Variants in CCDC73 observed in about 807,000 individuals in gnomAD.
The protein encoded by CCDC73 is coiled-coil domain containing 73.
In CCDC73, 95 loss-of-function variants were observed where a neutral mutation model predicts 116.5. The ratio of observed to expected loss-of-function variants is 0.82; its 90% CI spans 0.69 to 0.97. The LOEUF (loss-of-function observed/expected upper bound fraction) is 0.97, where lower values mean the gene tolerates loss of function less well. Ranked by LOEUF, CCDC73 falls within the 50% of genes least tolerant of loss-of-function variation. The pLI is 0.00. For synonymous variants in CCDC73, 398 were observed against 401.3 expected (o/e 0.99, Z 0.10); for missense variants, 1,066 against 1,206.8 (o/e 0.88, Z 1.73).
At chr11:32,749,015 G>A (rs1590628449) in intron 2 of CCDC73, among the ~76,000 whole-genome samples, 1 of 152,150 alleles carries the variant, frequency 6.6e-6, no homozygotes, top group East Asian at 1.9e-4. Flanking sequence ...AATGCCTCAA[G>A]GTAGTCTTCT....
At chr11:32,764,006 G>C (rs986076581) in intron 1 of CCDC73, among the ~76,000 whole-genome samples, 4 of 152,102 alleles carry the variant, frequency 2.6e-5, no homozygotes, top group Non-Finnish European at 5.9e-5. Flanking sequence ...TGAAACAAAG[G>C]GTATCAGTGA....
At chr11:32,797,349 C>G (rs1341789484), upstream of CCDC73, among the ~76,000 whole-genome samples, 1 of 152,196 alleles carries the variant, frequency 6.6e-6, no homozygotes. Flanking sequence ...TGTACATCTT[C>G]CTCCACTTGC....
chr11:32,629,932 AAAC>A (rs1855615585), intron 14 of CCDC73, among the ~76,000 whole-genome samples: 1 of 148,868 alleles, frequency 6.7e-6, no homozygotes, highest in Non-Finnish European at 1.5e-5. Flanking sequence ...AAAAAAAAAA[AAAC>A]AAAAAAAAAA....
intron 1 of CCDC73, among the ~76,000 whole-genome samples, chr11:32,767,556 T>G (rs987814512): frequency 2.6e-5 from 4 of 152,068 alleles, no homozygotes; most frequent in Admixed American, 2.0e-4. Flanking sequence ...GGGAGAAAAT[T>G]TTTGCAATCT....
At chr11:32,699,506 T>C (rs1849789997) in intron 5 of CCDC73, among the ~76,000 whole-genome samples, 181 bp from the exon 6 acceptor site, 1 of 152,072 alleles carries the variant, frequency 6.6e-6, no homozygotes, top group Non-Finnish European at 1.5e-5. Flanking sequence ...ATAGACTGGA[T>C]TAAGAAAATG....
chr11:32,759,686 C>T (rs922125650), intron 2 of CCDC73, among the ~76,000 whole-genome samples: 73 of 152,278 alleles, frequency 4.8e-4, no homozygotes, highest in African/African-American at 1.7e-3. Context: ...ATATTTACTA[C>T]ATACATTTAT....
rs531375315 is a variant in CCDC73, at chr11:32,602,871, G to A, written c.3180C>T (p.Asp1060=). The change falls in exon 18 of 18, where the codon GAC becomes GAT. Residue 1060 remains aspartate, a synonymous_variant. Coordinates refer to ENST00000335185, the MANE Select transcript of CCDC73 (RefSeq NM_001008391.4). ...KSENLLSLEN[D]NQPKKRKAEE... ...CTGCTTTTCTTTTCTTTGGCTGGTTGTCATTTTCTAAACTTAGTAAATTTT... is the reference window on the plus strand; with the variant it reads ...CTGCTTTTCTTTTCTTTGGCTGGTTATCATTTTCTAAACTTAGTAAATTTT... 1.2e-6 allele frequency: 2 copies of A among 1,610,914 alleles called. No homozygotes were observed. Among genetic ancestry groups the A allele is most frequent in the Non-Finnish European group, 1.7e-6 (2 of 1,178,966 alleles).
intron 9 of CCDC73, among the ~76,000 whole-genome samples, chr11:32,656,915 CTTCA>C (rs1161230510): frequency 1.3e-5 from 2 of 152,052 alleles, no homozygotes; most frequent in Non-Finnish European, 2.9e-5. Context: ...TTTTTATTTT[CTTCA>C]TTATGTGATT....
chr11:32,651,681 G>A (rs1855827390), intron 12 of CCDC73, among the ~76,000 whole-genome samples: 1 of 152,232 alleles, frequency 6.6e-6, no homozygotes, highest in Admixed American at 6.5e-5. Flanking sequence ...TCAAGACAGT[G>A]ACCATGAAAC....
intron 2 of CCDC73, among the ~76,000 whole-genome samples, chr11:32,753,374 T>A (rs1013010183): frequency 1.1e-4 from 17 of 150,354 alleles, no homozygotes; most frequent in Admixed American, 1.3e-4. Flanking sequence ...CACAGCTCAC[T>A]GCAGCCTTGA....
chr11:32,631,063 C>T (rs1028167167), intron 14 of CCDC73, among the ~76,000 whole-genome samples: 43 of 152,144 alleles, frequency 2.8e-4, no homozygotes, highest in African/African-American at 1.0e-3. Flanking sequence ...TAGCTAATAA[C>T]AGGACTTACA....
chr11:32,784,132 C>A lies in CCDC73; in HGVS notation c.-16+10481G>T, dbSNP rs1043478275. On this transcript the variant is annotated intron_variant, in intron 1 of 17. Coordinates refer to ENST00000335185, the MANE Select transcript of CCDC73 (RefSeq NM_001008391.4). ...ATCACCTAAGGTCGGGAGTTCAAGACCAGCCTGACCAACATGGAGAAACCC... is the reference window on the plus strand; with the variant it reads ...ATCACCTAAGGTCGGGAGTTCAAGAACAGCCTGACCAACATGGAGAAACCC... Among the ~76,000 whole-genome samples, 12 of 152,220 alleles carry A rather than the reference C, an allele frequency of 7.9e-5. No individual in the cohort carries two copies. In the East Asian group the frequency reaches 9.7e-4, roughly 12 times the overall value.
At chr11:32,686,223 A>AG (rs1303804927) in intron 6 of CCDC73, among the ~76,000 whole-genome samples, 3 of 151,004 alleles carry the variant, frequency 2.0e-5, no homozygotes, top group Admixed American at 2.0e-4. Context: ...AAAAAAAAAA[A>AG]AAAAAAAACC....
At chr11:32,825,914 C>T in the CCDC73 span, among the ~76,000 whole-genome samples, 1 of 152,110 alleles carries the variant, frequency 6.6e-6, no homozygotes, top group Admixed American at 6.5e-5. Flanking sequence ...TGTCATAGGT[C>T]CCTGGGGGCA....
chr11:32,653,918 T>C (rs1855848868), intron 11 of CCDC73, 60 bp downstream of exon 11: 1 of 1,551,446 alleles, frequency 6.4e-7, no homozygotes. Flanking sequence ...CACTTATTTT[T>C]TACATTTTAT....
At chr11:32,747,103 G>A (rs922881341) in intron 2 of CCDC73, among the ~76,000 whole-genome samples, 1 of 152,186 alleles carries the variant, frequency 6.6e-6, no homozygotes, top group Non-Finnish European at 1.5e-5. Context: ...CCTACGGATG[G>A]TGTTTTGGTG....
At position 32,614,203 on chromosome 11, in the gene CCDC73, T is replaced by C; in HGVS notation, c.2115A>G (p.Val705=). ...CAGCATATGAAACATGGTGGTCGAT[T>C]ACTATATCACAGGGAACAGTTAGTT... ...KSELTVPCDI[V]IDHHVSYAAF... is the part of the protein sequence containing the mutation. The change falls in exon 16 of 18, where the codon GTA becomes GTG. Residue 705 remains valine, a synonymous_variant. Transcript: ENST00000335185. 1 of 1,613,930 alleles carries C rather than the reference T, an allele frequency of 6.2e-7. No individual in the cohort carries two copies. Among genetic ancestry groups the C allele is most frequent in the Non-Finnish European group, 8.5e-7 (1 of 1,179,866 alleles).
chr11:32,614,311 A>T lies in CCDC73; in HGVS notation c.2007T>A (p.Thr669=), dbSNP rs1157126655. 27 of 1,612,360 alleles carry T rather than the reference A, an allele frequency of 1.7e-5. No individual in the cohort carries two copies. Among genetic ancestry groups the T allele is most frequent in the Non-Finnish European group, 2.2e-5 (26 of 1,179,114 alleles). The part of the protein sequence containing the change: ...QCKIKQIQLL[T]KKSECSILLS... ...GTAATATGCTGCACTCACTTTTTTTAGTTAACAGTTGTATTTGTTTTATTT... is the reference window on the plus strand; with the variant it reads ...GTAATATGCTGCACTCACTTTTTTTTGTTAACAGTTGTATTTGTTTTATTT... Residue 669 remains threonine (T), a synonymous_variant, in exon 16 of 18, where the codon ACT becomes ACA. Transcript: ENST00000335185.
chr11:32,704,680 GT>G (rs2133318772), intron 3 of CCDC73, among the ~76,000 whole-genome samples: 1 of 152,346 alleles, frequency 6.6e-6, no homozygotes, highest in South Asian at 2.1e-4. Flanking sequence ...AGGGCTGTCA[GT>G]TTTGGATGAA....
Sources: allele counts gnomAD v4.1 joint callset (sites outside exome capture counted in the v4.1 genomes callset), GRCh38; gene constraint gnomAD v4.1.1; transcripts MANE v1.5; gene names NCBI Gene and HGNC (gene_info 2026-07-23, HGNC 2026-07-21).